R3HDM1: variants seen among roughly 807,000 people sequenced by gnomAD.
R3HDM1 encodes R3H domain containing 1.
In R3HDM1, 46 loss-of-function variants were observed where a neutral mutation model predicts 141.1. That is an observed-to-expected ratio of 0.33 (90% confidence interval 0.26 to 0.42). R3HDM1 has a LOEUF of 0.42. Among genes scored for constraint, R3HDM1 ranks in the 10% least tolerant of loss-of-function variants. The probability of loss-of-function intolerance (pLI) is 1.00; values close to 1 mark genes in which losing one functional copy is unlikely to be tolerated. For missense variants in R3HDM1, 1,184 were observed against 1,368.3 expected (o/e 0.87, Z 2.12); for synonymous variants, 435 against 472.9 (o/e 0.92, Z 1.04).
chr2:135,685,115 A>C (rs2071106779), intron 21 of R3HDM1, among the ~76,000 whole-genome samples: 1 of 152,198 alleles, frequency 6.6e-6, no homozygotes, highest in Admixed American at 6.5e-5. Flanking sequence ...AAATACTAGT[A>C]TAAAACATCC....
At chr2:135,700,967 A>G (rs1315372851) in intron 21 of R3HDM1, among the ~76,000 whole-genome samples, 2 of 152,318 alleles carry the variant, frequency 1.3e-5, no homozygotes, top group East Asian at 3.9e-4. Context: ...GTTTTTTCCT[A>G]TACATACATG....
intron 19 of R3HDM1, among the ~76,000 whole-genome samples, chr2:135,671,953 C>T (rs1217208239): frequency 4.0e-5 from 6 of 151,408 alleles, no homozygotes; most frequent in African/African-American, 1.5e-4. Flanking sequence ...TCCAACCTGG[C>T]CGATAGAGTG....
intron 1 of R3HDM1, among the ~76,000 whole-genome samples, chr2:135,554,127 T>C (rs1700301091): frequency 6.6e-6 from 1 of 152,210 alleles, no homozygotes; most frequent in Admixed American, 6.5e-5. Context: ...TATAGAACAT[T>C]TTCATCTCTC....
chr2:135,632,956 C>T (rs982146854), intron 9 of R3HDM1, among the ~76,000 whole-genome samples: 1 of 151,986 alleles, frequency 6.6e-6, no homozygotes, highest in African/African-American at 2.4e-5. Context: ...GGTCTTTTGT[C>T]CTTATAGCTG....
intron 7 of R3HDM1, among the ~76,000 whole-genome samples, chr2:135,624,304 G>A (rs2061785779): frequency 6.6e-6 from 1 of 151,730 alleles, no homozygotes; most frequent in African/African-American, 2.4e-5. Flanking sequence ...CTGAGGCAGG[G>A]GAATGGTGTA....
Position 135,688,665 on chromosome 2 carries a change from G to C in R3HDM1, c.2459+8341G>C, listed in dbSNP as rs533717567. On this transcript the variant is annotated intron_variant, in intron 21 of 26. Coordinates refer to ENST00000683871, the MANE Select transcript of R3HDM1 (RefSeq NM_001378107.1). Reference sequence around the variant, plus strand: ...AGAAATACTGCGAAGGGCCAAGGACGGTGGCTCATGGCTGTGATCCCAGCA... The same window carrying C: ...AGAAATACTGCGAAGGGCCAAGGACCGTGGCTCATGGCTGTGATCCCAGCA... Among the ~76,000 whole-genome samples the C allele has an allele frequency of 2.6e-5, 4 of 152,280 alleles. No individual in the cohort carries two copies. The East Asian group carries it at 7.7e-4, about 29-fold the overall frequency.
At chr2:135,569,671 C>G (rs2104989665) in intron 1 of R3HDM1, among the ~76,000 whole-genome samples, 1 of 151,724 alleles carries the variant, frequency 6.6e-6, no homozygotes, top group Non-Finnish European at 1.5e-5. Context: ...GTTAGTACAA[C>G]TTGCCTCATA....
At chr2:135,721,171 A>C (rs2076664745) in intron 24 of R3HDM1, among the ~76,000 whole-genome samples, 1 of 152,184 alleles carries the variant, frequency 6.6e-6, no homozygotes, top group Non-Finnish European at 1.5e-5. Flanking sequence ...GGATATGTGG[A>C]AATTTTTAAT....
At chr2:135,563,260 G>A (rs1702116981) in intron 1 of R3HDM1, among the ~76,000 whole-genome samples, 1 of 152,156 alleles carries the variant, frequency 6.6e-6, no homozygotes, top group South Asian at 2.1e-4. Context: ...CTTATGCACT[G>A]CCAAAGCAAA....
chr2:135,708,359 G>A lies in R3HDM1; in HGVS notation c.2460-1074G>A, dbSNP rs146425266. On this transcript the variant is annotated intron_variant, in intron 21 of 26. Transcript: ENST00000683871. ...CCATATTCTGGATTTTACCGATTGC[G>A]TCATCATACTGTCATTTAACATGTC... Among the ~76,000 whole-genome samples, 55 of 152,122 alleles carry A rather than the reference G, an allele frequency of 3.6e-4. 1 individual carries two copies. The East Asian group carries it at 5.6e-3, about 15-fold the overall frequency.
intron 21 of R3HDM1, among the ~76,000 whole-genome samples, chr2:135,707,314 T>C (rs926131534): frequency 4.6e-5 from 7 of 152,218 alleles, no homozygotes; most frequent in East Asian, 1.9e-4. Flanking sequence ...TACTGACTTC[T>C]GTGCTTTCTT....
intron 25 of R3HDM1, 83 bp from the exon 26 acceptor site, chr2:135,722,386 G>A: frequency 7.0e-7 from 1 of 1,431,850 alleles, no homozygotes; most frequent in South Asian, 1.3e-5. Context: ...AACTAAAGGT[G>A]TTTTGGTGTT....
At chr2:135,560,706 CT>C (rs777427690) in intron 1 of R3HDM1, among the ~76,000 whole-genome samples, 1 of 152,110 alleles carries the variant, frequency 6.6e-6, no homozygotes, top group Non-Finnish European at 1.5e-5. Flanking sequence ...GTGGTAGAGA[CT>C]TGAGGTGCTT....
chr2:135,713,953 A>G (rs1308595284), intron 23 of R3HDM1, among the ~76,000 whole-genome samples: 3 of 152,220 alleles, frequency 2.0e-5, no homozygotes, highest in Non-Finnish European at 4.4e-5. Context: ...GGAAAATGAA[A>G]CTGTCTTACC....
At chr2:135,627,291 T>G (rs1412785998) in intron 7 of R3HDM1, among the ~76,000 whole-genome samples, 1 of 152,166 alleles carries the variant, frequency 6.6e-6, no homozygotes, top group Non-Finnish European at 1.5e-5. Context: ...GCAGATTTAT[T>G]TTTAGTGATA....
intron 16 of R3HDM1, among the ~76,000 whole-genome samples, chr2:135,646,061 CTT>C (rs1356538238): frequency 1.3e-5 from 2 of 151,926 alleles, no homozygotes; most frequent in Non-Finnish European, 2.9e-5. Context: ...CACATTCAGT[CTT>C]TTTCCCCTAC....
chr2:135,564,316 C>CT (rs1395025348), intron 1 of R3HDM1, among the ~76,000 whole-genome samples: 3 of 152,072 alleles, frequency 2.0e-5, no homozygotes, highest in Non-Finnish European at 4.4e-5. Flanking sequence ...GAAAAATTTC[C>CT]TTTTTTTGTT....
intron 1 of R3HDM1, among the ~76,000 whole-genome samples, chr2:135,570,238 A>G (rs1703804885): frequency 6.6e-6 from 1 of 152,218 alleles, no homozygotes; most frequent in Admixed American, 6.5e-5. Context: ...TGCATCTAGA[A>G]TAATTCTCTG....
intron 19 of R3HDM1, among the ~76,000 whole-genome samples, chr2:135,674,818 C>CT (rs556253938): frequency 6.8e-5 from 10 of 147,194 alleles, no homozygotes; most frequent in South Asian, 2.2e-4. Flanking sequence ...TCTCCCCTGC[C>CT]TTTTTTTTTT....
Sources: gnomAD v4.1 joint callset for allele counts (sites outside exome capture counted in the v4.1 genomes callset) on GRCh38, gnomAD v4.1.1 for gene constraint, MANE v1.5 for transcripts, NCBI Gene and HGNC (gene_info 2026-07-23, HGNC 2026-07-21) for gene names.